The following PRTFDC1 variants were observed in gnomAD, a reference collection of about 807,000 sequenced individuals.
PRTFDC1 encodes phosphoribosyl transferase domain containing 1, also known as phosphoribosyltransferase domain-containing protein 1.
PRTFDC1 carries 38 observed loss-of-function variants against 34.6 expected under a neutral mutation model. That is an observed-to-expected ratio of 1.10 (90% CI 0.85 to 1.44). The LOEUF (loss-of-function observed/expected upper bound fraction) is 1.44, where lower values mean the gene tolerates loss of function less well. Ranked by LOEUF, PRTFDC1 falls within the 40% of genes most tolerant of loss-of-function variation. PRTFDC1 has a pLI of 0.00. For synonymous variants in PRTFDC1, 93 were observed against 98.1 expected (o/e 0.95, Z 0.31); for missense variants, 270 against 283.0 (o/e 0.95, Z 0.33).
chr10:24,916,255 C>T (rs1848694021), intron 3 of PRTFDC1, among the ~76,000 whole-genome samples: 1 of 152,186 alleles, frequency 6.6e-6, no homozygotes, highest in Non-Finnish European at 1.5e-5. Context: ...CTATCGTTAT[C>T]TCTCACTGCA....
intron 7 of PRTFDC1, among the ~76,000 whole-genome samples, chr10:24,853,400 T>C (rs991945244): frequency 1.3e-5 from 2 of 151,346 alleles, no homozygotes; most frequent in African/African-American, 4.9e-5. Flanking sequence ...TCACCTGAGG[T>C]CAGGAGTCCA....
intron 3 of PRTFDC1, among the ~76,000 whole-genome samples, chr10:24,874,804 C>T (rs987754000): frequency 6.6e-6 from 1 of 152,168 alleles, no homozygotes; most frequent in African/African-American, 2.4e-5. Flanking sequence ...CACCAAATCT[C>T]ATCTTGAACT....
chr10:24,852,826 C>T (rs1462443395), intron 7 of PRTFDC1, among the ~76,000 whole-genome samples: 1 of 152,150 alleles, frequency 6.6e-6, no homozygotes, highest in East Asian at 1.9e-4. Context: ...AAAGTCATCT[C>T]CACAGTGACT....
intron 3 of PRTFDC1, among the ~76,000 whole-genome samples, chr10:24,886,067 A>T (rs559254235): frequency 6.6e-6 from 1 of 152,324 alleles, no homozygotes; most frequent in South Asian, 2.1e-4. Context: ...CAGTGGATTG[A>T]TATCATCATA....
intron 3 of PRTFDC1, among the ~76,000 whole-genome samples, chr10:24,897,897 G>A (rs1848393986): frequency 6.6e-6 from 1 of 152,170 alleles, no homozygotes; most frequent in Non-Finnish European, 1.5e-5. Context: ...AGTCAGAGAG[G>A]TGCACAATAT....
chr10:24,946,832 T>C (rs1849257327), intron 1 of PRTFDC1, among the ~76,000 whole-genome samples: 1 of 152,254 alleles, frequency 6.6e-6, no homozygotes, highest in Non-Finnish European at 1.5e-5. Context: ...TGTTATTATC[T>C]TAGTTAAAAC....
At chr10:24,948,145 TG>T (rs35620398) in intron 1 of PRTFDC1, among the ~76,000 whole-genome samples, 58,567 of 151,926 alleles carry the variant, frequency 0.39, 12,490 homozygotes, top group Middle Eastern at 0.53. Flanking sequence ...CGTATTTTCA[TG>T]GGGGGTGACA....
chr10:24,934,439 T>A, intron 3 of PRTFDC1, among the ~76,000 whole-genome samples: 1 of 152,206 alleles, frequency 6.6e-6, no homozygotes, highest in South Asian at 2.1e-4. Context: ...ACATGCCTCG[T>A]GATCCCCTCC....
intron 3 of PRTFDC1, among the ~76,000 whole-genome samples, chr10:24,890,277 G>A (rs565500022): frequency 2.3e-4 from 35 of 152,286 alleles, no homozygotes; most frequent in African/African-American, 8.4e-4. Context: ...GGCTGCCGAT[G>A]AGCAATGCAA....
At chr10:24,905,625 A>T (rs1475741859) in intron 3 of PRTFDC1, among the ~76,000 whole-genome samples, 2 of 151,954 alleles carry the variant, frequency 1.3e-5, no homozygotes, top group East Asian at 3.9e-4. Flanking sequence ...GAAATTTTTT[A>T]AAAGTGTCTT....
At position 24,889,877 on chromosome 10, in the gene PRTFDC1, G is replaced by A. The variant is rs192895027; in HGVS notation, c.340-17814C>T. The stretch of plus-strand genomic sequence containing the variant: ...GTTATTAAATTTTTTCTTTTCCTCT[G>A]GAGGCTAAGGGCTTGGAAAGCTGGA... On this transcript the variant is annotated intron_variant, in intron 3 of 8. Coordinates refer to ENST00000320152, the MANE Select transcript of PRTFDC1 (RefSeq NM_020200.7). Among the ~76,000 whole-genome samples, 119 of 152,146 alleles carry A rather than the reference G, an allele frequency of 7.8e-4. 1 individual carries two copies. Among genetic ancestry groups the A allele is most frequent in the African/African-American group, 2.8e-3 (117 of 41,416 alleles).
chr10:24,913,602 G>A (rs1848657470), intron 3 of PRTFDC1, among the ~76,000 whole-genome samples: 1 of 152,136 alleles, frequency 6.6e-6, no homozygotes, highest in Non-Finnish European at 1.5e-5. Context: ...TTTAGAAATT[G>A]TCATCTCTGC....
intron 3 of PRTFDC1, among the ~76,000 whole-genome samples, chr10:24,872,808 T>TATATA (rs1565261776): frequency 4.9e-4 from 32 of 65,804 alleles, no homozygotes; most frequent in African/African-American, 2.6e-3. Flanking sequence ...ATATATATAT[T>TATATA]TTTTTTTTTT....
chr10:24,938,031 G>T (rs1306284149), intron 2 of PRTFDC1, among the ~76,000 whole-genome samples: 4 of 151,366 alleles, frequency 2.6e-5, no homozygotes, highest in Non-Finnish European at 4.4e-5. Flanking sequence ...TTTGAGACCA[G>T]CCTGGCCAAC....
intron 1 of PRTFDC1, among the ~76,000 whole-genome samples, chr10:24,948,821 A>G (rs1849292333): frequency 6.6e-6 from 1 of 152,090 alleles, no homozygotes; most frequent in Non-Finnish European, 1.5e-5. Flanking sequence ...CTCAAATCAC[A>G]TCTTTATTCC....
intron 3 of PRTFDC1, among the ~76,000 whole-genome samples, chr10:24,926,978 T>C (rs1848885920): frequency 6.6e-6 from 1 of 152,192 alleles, no homozygotes; most frequent in South Asian, 2.1e-4. Context: ...AGAATGTATG[T>C]CAAGAAAATG....
intron 4 of PRTFDC1, chr10:24,867,895 C>A (rs1014692713): frequency 6.6e-6 from 1 of 151,446 alleles, no homozygotes; most frequent in Non-Finnish European, 1.5e-5. Flanking sequence ...CCTCTGCCTC[C>A]AGGGCTCAAG....
At chr10:24,864,160 C>T (rs1453155158) in intron 4 of PRTFDC1, among the ~76,000 whole-genome samples, 1 of 152,042 alleles carries the variant, frequency 6.6e-6, no homozygotes, top group Non-Finnish European at 1.5e-5. Context: ...TAAGGAGTTG[C>T]TTCTTATGGA....
intron 4 of PRTFDC1, among the ~76,000 whole-genome samples, chr10:24,863,772 G>A (rs1195567903): frequency 6.6e-6 from 1 of 151,980 alleles, no homozygotes; most frequent in East Asian, 1.9e-4. Flanking sequence ...TAACTTTGAG[G>A]GGCCCAAGGT....
Sources: allele counts gnomAD v4.1 joint callset (sites outside exome capture counted in the v4.1 genomes callset), GRCh38; gene constraint gnomAD v4.1.1; transcripts MANE v1.5; gene names NCBI Gene and HGNC (gene_info 2026-07-23, HGNC 2026-07-21).